The following DNAH14 variants were observed in gnomAD, a reference collection of about 807,000 sequenced individuals.
DNAH14 encodes dynein axonemal heavy chain 14, also known as axonemal beta dynein heavy chain 14.
DNAH14 carries 478 observed loss-of-function variants against 520.9 expected under a neutral mutation model. The ratio of observed to expected loss-of-function variants is 0.92; its 90% CI spans 0.85 to 0.99. The LOEUF (loss-of-function observed/expected upper bound fraction) is 0.99. Ranked by LOEUF, DNAH14 falls within the 50% of genes least tolerant of loss-of-function variation. The pLI, the probability that DNAH14 is intolerant of heterozygous loss-of-function variation, is 0.00. For synonymous variants in DNAH14, 1,581 were observed against 1,757.2 expected, an observed-to-expected ratio of 0.90 and a Z score of 2.51; for missense variants, 4,831 against 5,234.5, an observed-to-expected ratio of 0.92 and a Z score of 2.38.
At chr1:225,333,241 C>A in intron 65 of DNAH14, 50 bp from the exon 66 acceptor site, 1 of 1,355,822 alleles carries the variant, frequency 7.4e-7, no homozygotes. Flanking sequence ...TAAAATATCT[C>A]ATGATAATAT....
chr1:224,999,266 G>T (rs1308663738), intron 8 of DNAH14, among the ~76,000 whole-genome samples: 1 of 152,000 alleles, frequency 6.6e-6, no homozygotes, highest in African/African-American at 2.4e-5. Flanking sequence ...GAGTGCAATG[G>T]CAAGATCTCA....
chr1:225,120,274 T>C (rs1340400909), intron 26 of DNAH14, among the ~76,000 whole-genome samples: 1 of 152,136 alleles, frequency 6.6e-6, no homozygotes, highest in East Asian at 1.9e-4. Flanking sequence ...CAGAACTGAT[T>C]GAGCCAGATT....
chr1:224,968,915 C>A, intron 7 of DNAH14, 41 bp downstream of exon 7: 1 of 1,383,938 alleles, frequency 7.2e-7, no homozygotes, highest in South Asian at 1.3e-5. Flanking sequence ...GTAGTTTGAT[C>A]CTATTGAAGG....
intron 81 of DNAH14, 110 bp from the exon 82 acceptor site, chr1:225,388,269 A>G: frequency 7.0e-6 from 4 of 570,670 alleles, no homozygotes. Context: ...TCCTCCTGCC[A>G]AGTTATTTCT....
At chr1:225,389,561 T>C (rs1315449339) in intron 82 of DNAH14, among the ~76,000 whole-genome samples, 173 bp from the exon 83 acceptor site, 2 of 152,198 alleles carry the variant, frequency 1.3e-5, no homozygotes, top group Non-Finnish European at 2.9e-5. Context: ...CCCTTTTCCC[T>C]CATGAGCTTA....
chr1:224,941,346 G>A (rs1379889661), intron 1 of DNAH14, among the ~76,000 whole-genome samples: 1 of 152,054 alleles, frequency 6.6e-6, no homozygotes, highest in Non-Finnish European at 1.5e-5. Context: ...CATATCCTTT[G>A]CCCACTTTTT....
In DNAH14 at chr1:224,989,022, C is replaced by G. The variant is rs1344090518; in HGVS notation, c.831-13761C>G. On this transcript the variant is annotated intron_variant, in intron 8 of 85. Transcript: ENST00000682510. ...CATTAATCCATTCATGAGGGCAGAG[C>G]CCTAATGACCTAATCACTCTTAATA... Among the ~76,000 whole-genome samples, 7 of 152,234 alleles carry G rather than the reference C, an allele frequency of 4.6e-5. No homozygotes were observed. In the East Asian group the frequency reaches 1.4e-3, roughly 29 times the overall value.
Position 225,345,962 on chromosome 1 carries a change from G to A in DNAH14, c.10679G>A (p.Gly3560Glu). 6.5e-7 allele frequency: 1 copy of A among 1,542,158 alleles called. No individual in the cohort carries two copies. Among genetic ancestry groups the A allele is most frequent in the Non-Finnish European group, 8.8e-7 (1 of 1,142,812 alleles). Residue 3560 changes from glycine (G) to glutamate (E), a missense_variant and splice_region_variant, in exon 70 of 86, where the codon GGA (glycine) becomes GAA (glutamate). Coordinates refer to ENST00000682510, the MANE Select transcript of DNAH14 (RefSeq NM_001367479.1). ...AACTTCACTTTTTGTTTGTCTTTAG[G>A]ATCCATATTAGATGATGACAAAATT... Reference protein sequence around the residue: ...KTLNLLQKALGSILDDDKIVD... With the variant: ...KTLNLLQKALESILDDDKIVD...
intron 17 of DNAH14, among the ~76,000 whole-genome samples, chr1:225,065,667 G>C (rs548900196): frequency 6.6e-6 from 1 of 151,964 alleles, no homozygotes; most frequent in Non-Finnish European, 1.5e-5. Context: ...ATGTCTTCCA[G>C]TTGCATCCAT....
intron 44 of DNAH14, among the ~76,000 whole-genome samples, chr1:225,253,670 C>G (rs539194255): frequency 6.6e-6 from 1 of 152,166 alleles, no homozygotes; most frequent in South Asian, 2.1e-4. Flanking sequence ...TCATTAATTT[C>G]TTTATTCATC....
At chr1:225,199,986 T>C (rs6701682) in intron 38 of DNAH14, among the ~76,000 whole-genome samples, 53,770 of 150,992 alleles carry the variant, frequency 0.36, 11,702 homozygotes, top group East Asian at 0.61. Context: ...TAGGTCTATT[T>C]GTAATCATTT....
At chr1:225,155,442 GC>G (rs58989878) in intron 34 of DNAH14, among the ~76,000 whole-genome samples, 18,822 of 152,030 alleles carry the variant, frequency 0.12, 1,319 homozygotes, top group East Asian at 0.31. Flanking sequence ...TTGCAAAATG[GC>G]CTGTATAATA....
At chr1:225,119,182 A>T (rs1345490059) in intron 25 of DNAH14, 38 bp from the exon 26 acceptor site, 3 of 1,416,250 alleles carry the variant, frequency 2.1e-6, no homozygotes, top group Non-Finnish European at 1.9e-6. Flanking sequence ...GAATTAAAAA[A>T]TAATTCTTCA....
intron 42 of DNAH14, among the ~76,000 whole-genome samples, chr1:225,233,090 G>T (rs2091271443): frequency 6.6e-6 from 1 of 152,132 alleles, no homozygotes; most frequent in Non-Finnish European, 1.5e-5. Flanking sequence ...AGTTTGCTGA[G>T]GATAAGGGCT....
rs752159228 is a variant in DNAH14 at position 225,206,076 on chromosome 1, G to C, written c.6083G>C (p.Ser2028Thr). ...ACTAGAACATTGTGCCTAGCAAACA[G>C]TGAGAGAATAGCTTTAACTAATAAA... ...DDTRTLCLAN[S>T]ERIALTNKIR... Residue 2028 changes from serine (S) to threonine (T), a missense_variant, in exon 40 of 86, where the codon AGT becomes ACT. Physicochemically the swap from Ser to Thr is moderately conservative, Grantham distance 58. Transcript: ENST00000682510. 6 of 1,551,558 alleles carry C rather than the reference G, an allele frequency of 3.9e-6. No individual in the cohort carries two copies. The South Asian group carries it at 7.1e-5, about 18-fold the overall frequency.
chr1:225,366,409 T>C (rs2095553811), intron 76 of DNAH14, among the ~76,000 whole-genome samples: 1 of 151,122 alleles, frequency 6.6e-6, no homozygotes, highest in Non-Finnish European at 1.5e-5. Flanking sequence ...CTCTCTCTTC[T>C]CTCTCTCTCT....
At chr1:225,007,658 TG>T in intron 10 of DNAH14, 114 bp downstream of exon 10, 1 of 879,280 alleles carries the variant, frequency 1.1e-6, no homozygotes, top group Non-Finnish European at 1.6e-6. Flanking sequence ...GGAACAAAGG[TG>T]GTTAATTAAC....
chr1:225,337,168 A>G, intron 66 of DNAH14, 98 bp from the exon 67 acceptor site: 4 of 987,282 alleles, frequency 4.1e-6, no homozygotes, highest in Non-Finnish European at 6.0e-6. Context: ...TTCTTTTTCT[A>G]AAGGCAGTGA....
intron 41 of DNAH14, among the ~76,000 whole-genome samples, chr1:225,226,641 T>C (rs2149538284): frequency 6.6e-6 from 1 of 152,270 alleles, no homozygotes; most frequent in South Asian, 2.1e-4. Context: ...GGGTATTTCT[T>C]GCAAGGTGGA....
Sources: gnomAD v4.1 joint callset for allele counts (sites outside exome capture counted in the v4.1 genomes callset) on GRCh38, gnomAD v4.1.1 for gene constraint, MANE v1.5 for transcripts, NCBI Gene and HGNC (gene_info 2026-07-23, HGNC 2026-07-21) for gene names.